Variants in GARRE1 observed in about 807,000 individuals in gnomAD.
GARRE1 encodes granule associated Rac and RHOG effector protein 1.
Under a neutral mutation model 103.2 loss-of-function variants are expected in GARRE1, and 49 were observed. That is an observed-to-expected ratio of 0.47 (90% CI 0.38 to 0.60). The LOEUF is 0.60. Among genes scored for constraint, GARRE1 ranks in the 20% least tolerant of loss-of-function variants. The pLI, the probability that GARRE1 is intolerant of heterozygous loss-of-function variation, is 0.00. For synonymous variants in GARRE1, 505 were observed against 532.8 expected (o/e 0.95, Z 0.72); for missense variants, 1,199 against 1,370.5 (o/e 0.87, Z 1.98).
intron 1 of GARRE1, among the ~76,000 whole-genome samples, chr19:34,267,692 C>T (rs545667350): frequency 4.5e-4 from 68 of 151,452 alleles, no homozygotes; most frequent in African/African-American, 1.5e-3. Flanking sequence ...AAAAATAAAC[C>T]GCAGGTTTCT....
In GARRE1 at chr19:34,300,145, T is replaced by A; in HGVS notation, c.-329T>A. ...ATTTTTCTGCCATTGTAAATACAAG[T>A]ATCAAAATATTCTTGCAAAGAAGTA... On this transcript the variant is annotated 5_prime_UTR_variant, in exon 2 of 14. Transcript: ENST00000299505. 3.9e-6 allele frequency: 1 copy of A among 256,886 alleles called. No homozygotes were observed. Among genetic ancestry groups the A allele is most frequent in the Non-Finnish European group, 7.4e-6 (1 of 135,878 alleles). The allele number at this position is 256,886 out of a possible 1,614,324, so 15.9% of individuals were successfully genotyped here. A position where few individuals can be genotyped will look rare whatever the true frequency, so the allele number is the denominator to read the frequency against.
intron 2 of GARRE1, among the ~76,000 whole-genome samples, chr19:34,312,686 G>A (rs1327693791): frequency 6.6e-6 from 1 of 152,136 alleles, no homozygotes; most frequent in Non-Finnish European, 1.5e-5. Context: ...CAGCACTTTG[G>A]GAGGCTGAGG....
At chr19:34,347,427 G>A (rs2074216926) in intron 10 of GARRE1, among the ~76,000 whole-genome samples, 2 of 151,990 alleles carry the variant, frequency 1.3e-5, no homozygotes, top group African/African-American at 4.8e-5. Flanking sequence ...AGGTTTTGCC[G>A]TGTTGGCCAG....
chr19:34,264,456 T>C (rs1462938744), intron 1 of GARRE1, among the ~76,000 whole-genome samples: 1 of 151,946 alleles, frequency 6.6e-6, no homozygotes, highest in Non-Finnish European at 1.5e-5. Context: ...TAGAATGCAG[T>C]GGCATGATCT....
intron 2 of GARRE1, among the ~76,000 whole-genome samples, chr19:34,303,760 C>T (rs896071730): frequency 2.6e-5 from 4 of 151,944 alleles, no homozygotes; most frequent in South Asian, 2.1e-4. Flanking sequence ...GGATTACAGG[C>T]GCCCACCACC....
intron 10 of GARRE1, among the ~76,000 whole-genome samples, chr19:34,345,157 T>G (rs1247741904): frequency 2.0e-5 from 3 of 152,172 alleles, no homozygotes; most frequent in Middle Eastern, 3.4e-3. Context: ...TTTGCCATGT[T>G]GGCCAGGCTG....
intron 6 of GARRE1, among the ~76,000 whole-genome samples, chr19:34,329,859 T>C (rs1334895332): frequency 1.3e-5 from 2 of 150,576 alleles, no homozygotes; most frequent in African/African-American, 4.9e-5. Flanking sequence ...AAAAAAATGC[T>C]CTTTTCCCAG....
intron 12 of GARRE1, among the ~76,000 whole-genome samples, chr19:34,350,650 T>C (rs768630264): frequency 6.6e-6 from 1 of 152,232 alleles, no homozygotes; most frequent in East Asian, 1.9e-4. Context: ...GGCGCGGTCT[T>C]AGCTCACTGC....
intron 1 of GARRE1, among the ~76,000 whole-genome samples, chr19:34,271,308 G>A (rs894795504): frequency 1.3e-5 from 2 of 148,856 alleles, no homozygotes; most frequent in Non-Finnish European, 3.0e-5. Context: ...GAGTGCTGTG[G>A]CGTGATCTTG....
chr19:34,342,377 A>T lies in GARRE1; in HGVS notation c.2443A>T (p.Asn815Tyr), dbSNP rs1446607954. Residue 815 changes from asparagine (N) to tyrosine (Y), a missense_variant, in exon 10 of 14, where the codon AAT (asparagine) becomes TAT (tyrosine). Asn to Tyr is a moderately radical substitution (Grantham distance 143). Coordinates refer to ENST00000299505, the MANE Select transcript of GARRE1 (RefSeq NM_014686.5). ...VLGQKPQGPRNNTWPNRDQSD... is the reference protein window; with the variant it reads ...VLGQKPQGPRYNTWPNRDQSD... The stretch of plus-strand genomic sequence containing the variant: ...GGGACAGAAGCCGCAGGGACCTAGA[A>T]ATAACACCTGGCCCAACCGTGACCA... 2 of 1,614,144 alleles carry T rather than the reference A, an allele frequency of 1.2e-6. No homozygotes were observed. Among genetic ancestry groups the T allele is most frequent in the Non-Finnish European group, 1.7e-6 (2 of 1,180,020 alleles).
chr19:34,254,888 C>G (rs1203201657), intron 1 of GARRE1, among the ~76,000 whole-genome samples: 1 of 150,710 alleles, frequency 6.6e-6, no homozygotes. Context: ...GCGTCGGAGA[C>G]TCGGCGGCCG....
intron 2 of GARRE1, among the ~76,000 whole-genome samples, chr19:34,302,746 T>G (rs1025605882): frequency 1.1e-4 from 16 of 150,908 alleles, no homozygotes; most frequent in Non-Finnish European, 1.8e-4. Context: ...GTTTTTTTTT[T>G]TTTTTTTTTT....
chr19:34,310,113 T>A (rs2074029862), intron 2 of GARRE1, among the ~76,000 whole-genome samples: 1 of 152,206 alleles, frequency 6.6e-6, no homozygotes, highest in Non-Finnish European at 1.5e-5. Flanking sequence ...TTGCGTGATG[T>A]GCTAGAAAAA....
At position 34,321,756 on chromosome 19, in the gene GARRE1, G is replaced by A. The variant is rs147009827; in HGVS notation, c.705+1640G>A. Among the ~76,000 whole-genome samples, 217 of 152,334 alleles carry A rather than the reference G, an allele frequency of 1.4e-3. 2 individuals carry two copies. Among genetic ancestry groups the A allele is most frequent in the African/African-American group, 4.5e-3 (187 of 41,568 alleles). On this transcript the variant is annotated intron_variant, in intron 3 of 13. Transcript: ENST00000299505. ...CTCTGAAAGTGCTGGGATTACAGGCGTGAGCCACTGCACTGGGCCAACATG... is the reference window on the plus strand; with the variant it reads ...CTCTGAAAGTGCTGGGATTACAGGCATGAGCCACTGCACTGGGCCAACATG...
At chr19:34,347,672 C>T (rs1313601817) in intron 10 of GARRE1, among the ~76,000 whole-genome samples, 2 of 152,246 alleles carry the variant, frequency 1.3e-5, no homozygotes, top group Non-Finnish European at 2.9e-5. Context: ...CTGGCACACA[C>T]CATGCCTCAG....
chr19:34,349,877 G>A (rs1437010838), intron 12 of GARRE1, among the ~76,000 whole-genome samples: 1 of 152,136 alleles, frequency 6.6e-6, no homozygotes, highest in Non-Finnish European at 1.5e-5. Flanking sequence ...ATAGTAGTGG[G>A]GTGGGGGGTG....
intron 3 of GARRE1, 31 bp downstream of exon 3, chr19:34,320,147 G>A (rs1204591235): frequency 4.4e-6 from 7 of 1,590,804 alleles, no homozygotes; most frequent in South Asian, 1.1e-5. Flanking sequence ...ATTGGTGCCT[G>A]TGTTCAAATA....
chr19:34,263,779 A>C (rs1216442300), intron 1 of GARRE1, among the ~76,000 whole-genome samples: 2 of 152,024 alleles, frequency 1.3e-5, no homozygotes, highest in African/African-American at 2.4e-5. Flanking sequence ...GAGTCACCGC[A>C]CCCGGTCTAT....
intron 2 of GARRE1, 23 bp from the exon 3 acceptor site, chr19:34,319,884 C>A (rs373411832): frequency 5.7e-5 from 92 of 1,609,584 alleles, no homozygotes; most frequent in Non-Finnish European, 7.5e-5. Context: ...ACCTAAACAT[C>A]CCTGGCTGTC....
Sources: allele counts gnomAD v4.1 joint callset (sites outside exome capture counted in the v4.1 genomes callset), GRCh38; gene constraint gnomAD v4.1.1; transcripts MANE v1.5; gene names NCBI Gene and HGNC (gene_info 2026-07-23, HGNC 2026-07-21).